The following PTPRS variants were observed in gnomAD, a reference collection of about 807,000 sequenced individuals.
PTPRS encodes receptor-type tyrosine-protein phosphatase S.
Under a neutral mutation model 215.3 loss-of-function variants are expected in PTPRS, and 63 were observed. The observed-to-expected ratio is 0.29, with a 90% CI of 0.24 to 0.36. PTPRS has a LOEUF of 0.36. Among genes scored for constraint, PTPRS ranks in the 10% least tolerant of loss-of-function variants. PTPRS has a pLI of 1.00. For synonymous variants in PTPRS, 1,404 were observed against 1,191.4 expected, an observed-to-expected ratio of 1.18 and a Z score of -3.68; for missense variants, 2,258 against 2,825.8, an observed-to-expected ratio of 0.80 and a Z score of 4.56.
At chr19:5,239,618 GAGAC>G (rs144805665) in intron 12 of PTPRS, among the ~76,000 whole-genome samples, 2,750 of 151,698 alleles carry the variant, frequency 0.018, 37 homozygotes, top group Non-Finnish European at 0.029. Context: ...ACAGGGGAGA[GAGAC>G]AGACAGAAAC....
intron 2 of PTPRS, among the ~76,000 whole-genome samples, chr19:5,282,208 C>T (rs1192522858): frequency 2.0e-5 from 3 of 152,086 alleles, no homozygotes; most frequent in Admixed American, 6.5e-5. Flanking sequence ...TTCTACCTCT[C>T]GGAAGCACCC....
At position 5,219,462 on chromosome 19, in the gene PTPRS, A is replaced by C. The variant is rs2041779595; in HGVS notation, c.3771T>G (p.Phe1257Leu). The stretch of plus-strand genomic sequence containing the variant: ...AGGGGTCTGAGAAGGGACTGGCTGC[A>C]AAGGTCTGCAGGGAAAGGAGGGGGG... Reference protein sequence around the residue: ...LAVLQKSEPTFAASPFSDPFQ... With the variant: ...LAVLQKSEPTLAASPFSDPFQ... Residue 1257 changes from phenylalanine (F) to leucine (L), a missense_variant, in exon 23 of 38, where the codon TTT becomes TTG. Around this residue, in one of 6 missense-constraint regions of PTPRS, gnomAD observed 927 missense variants for 1,125.9 expected, o/e 0.82. Coordinates refer to ENST00000262963, the MANE Select transcript of PTPRS (RefSeq NM_002850.4). The C allele has an allele frequency of 1.1e-5, 18 of 1,584,984 alleles. No homozygotes were observed. The highest frequency in any genetic ancestry group is 1.5e-5 in the Non-Finnish European group (18 of 1,165,720).
rs967834128 is a variant in PTPRS, at chr19:5,300,824, C to A, written c.-94-14590G>T. On this transcript the variant is annotated intron_variant, in intron 1 of 37. Coordinates refer to ENST00000262963, the MANE Select transcript of PTPRS (RefSeq NM_002850.4). ...AGAAAAAGCGGTAAAATATATATAA[C>A]AAAAAAATTTCCATAAAAAATATAG... Among the ~76,000 whole-genome samples, 287 of 138,354 alleles carry A rather than the reference C, an allele frequency of 2.1e-3. 1 individual carries two copies. The highest frequency in any genetic ancestry group is 6.5e-3 in the African/African-American group (246 of 37,708). 90.8% of individuals were successfully genotyped at this position (138,354 alleles called of 152,430 possible). A position where few individuals can be genotyped will look rare whatever the true frequency, so the allele number is the denominator to read the frequency against.
Position 5,244,259 on chromosome 19 carries a change from G to A in PTPRS, c.1212C>T (p.Ala404=), listed in dbSNP as rs761321191. 9 of 1,613,852 alleles carry A rather than the reference G, an allele frequency of 5.6e-6. No homozygotes were observed. The highest frequency in any genetic ancestry group is 1.7e-5 in the Admixed American group (1 of 60,002). The change falls in exon 11 of 38, where the codon GCC becomes GCT. Residue 404 remains alanine (A), a synonymous_variant. Transcript: ENST00000262963. The surrounding 1 kb of genome is among the most constrained non-coding windows in gnomAD (Gnocchi z 7.2). ...PNSEYEIWVS[A]VNSIGQGPPS... ...GGGGCCCCTGGCCGATGGAGTTGAC[G>A]GCCGACACCCAGATCTCGTACTCCG...
chr19:5,268,455 T>C (rs1277070041), intron 4 of PTPRS, among the ~76,000 whole-genome samples: 1 of 151,718 alleles, frequency 6.6e-6, no homozygotes, highest in Admixed American at 6.6e-5. Context: ...TGGGTGGCCG[T>C]GGACAGAGGT....
At chr19:5,335,938 A>T (rs1056396436) in intron 1 of PTPRS, among the ~76,000 whole-genome samples, 3 of 151,992 alleles carry the variant, frequency 2.0e-5, no homozygotes, top group East Asian at 3.9e-4. Context: ...GCTAGCCCAG[A>T]ATAGCACCAG....
intron 19 of PTPRS, 84 bp downstream of exon 19, chr19:5,222,039 C>T: frequency 1.7e-6 from 2 of 1,149,526 alleles, no homozygotes; most frequent in Non-Finnish European, 2.6e-6. Flanking sequence ...CACTTCACAC[C>T]AACTCCAAAC....
Position 5,244,220 on chromosome 19 carries a change from C to T in PTPRS, c.1251G>A (p.Val417=). ...GGGCCTGCTCGCCTGTGCGGGTGAC[C>T]ACGGACTCGCTGGGGGGCCCCTGGC... ...SIGQGPPSES[V]VTRTGEQAPA... Residue 417 remains valine, a synonymous_variant, in exon 11 of 38, where the codon GTG becomes GTA. Transcript: ENST00000262963. This position sits in a 1 kb window ranked among gnomAD's most constrained non-coding sequence, Gnocchi z 7.2. 6.2e-7 allele frequency: 1 copy of T among 1,609,830 alleles called. No individual in the cohort carries two copies. Among genetic ancestry groups the T allele is most frequent in the African/African-American group, 1.3e-5 (1 of 74,992 alleles).
chr19:5,309,146 A>C (rs1022869687), intron 1 of PTPRS, among the ~76,000 whole-genome samples: 13 of 152,022 alleles, frequency 8.6e-5, no homozygotes, highest in African/African-American at 2.6e-4. Flanking sequence ...GTGGAGAGAG[A>C]AGGGAGGAAG....
rs570772879 is a variant in PTPRS, at chr19:5,333,474, C to T, written c.-95+7190G>A. Among the ~76,000 whole-genome samples, 10 of 151,418 alleles carry T rather than the reference C, an allele frequency of 6.6e-5. No homozygotes were observed. The East Asian group carries it at 9.7e-4, about 15-fold the overall frequency. On this transcript the variant is annotated intron_variant, in intron 1 of 37. Transcript: ENST00000262963. ...AGTGAGCCATTATGGCATCACTGCA[C>T]TCCAGCCTGAGCAACAGTGTGAGTC...
At chr19:5,228,471 G>A (rs1038832976) in intron 16 of PTPRS, among the ~76,000 whole-genome samples, 5 of 151,494 alleles carry the variant, frequency 3.3e-5, no homozygotes, top group African/African-American at 7.3e-5. Context: ...TCAGCCTCCC[G>A]AGTAGCTGGA....
chr19:5,220,219 G>C (rs749503529), intron 21 of PTPRS, 41 bp downstream of exon 21: 1 of 1,609,642 alleles, frequency 6.2e-7, no homozygotes, highest in East Asian at 2.2e-5. Context: ...GTGAAAACTG[G>C]AATGCATCTG....
At chr19:5,289,619 T>C (rs975884410) in intron 1 of PTPRS, among the ~76,000 whole-genome samples, 2 of 152,150 alleles carry the variant, frequency 1.3e-5, no homozygotes, top group Non-Finnish European at 2.9e-5. Flanking sequence ...TCCAGCCGCA[T>C]GGGCCTCCTT....
chr19:5,335,098 C>T (rs940846442), intron 1 of PTPRS, among the ~76,000 whole-genome samples: 1 of 152,188 alleles, frequency 6.6e-6, no homozygotes, highest in Non-Finnish European at 1.5e-5. Context: ...CACGTGACAG[C>T]GCGACGATGG....
Position 5,214,551 on chromosome 19 carries a change from C to T in PTPRS, c.4494+10G>A, listed in dbSNP as rs1341484378. The T allele has an allele frequency of 6.2e-7, 1 of 1,611,922 alleles. No homozygotes were observed. Among genetic ancestry groups the T allele is most frequent in the South Asian group, 1.1e-5 (1 of 91,056 alleles). The stretch of plus-strand genomic sequence containing the variant: ...GCAGGGGCTTGAGGGCCGTGGGGTC[C>T]AAGGCTCACCCGTGACTTCTCCTCC... On this transcript the variant is annotated intron_variant, in intron 29 of 37. Transcript: ENST00000262963.
chr19:5,223,886 A>ATC (rs1239089857), intron 17 of PTPRS, among the ~76,000 whole-genome samples: 1 of 151,258 alleles, frequency 6.6e-6, no homozygotes, highest in Admixed American at 6.6e-5. Context: ...TTAAAAGTGG[A>ATC]TCTCAAGGCT....
intron 1 of PTPRS, among the ~76,000 whole-genome samples, chr19:5,301,820 G>C (rs565981557): frequency 1.3e-5 from 2 of 151,750 alleles, no homozygotes; most frequent in Admixed American, 1.3e-4. Context: ...TCACTCTGTC[G>C]CTCAGGCTGG....
intron 9 of PTPRS, among the ~76,000 whole-genome samples, chr19:5,248,831 T>G (rs1001164444): frequency 9.9e-5 from 15 of 152,202 alleles, no homozygotes; most frequent in African/African-American, 3.6e-4. Context: ...AGCCTCAGTT[T>G]CCTCATCTGT....
intron 28 of PTPRS, among the ~76,000 whole-genome samples, chr19:5,214,974 C>T (rs529141857): frequency 6.6e-5 from 10 of 152,370 alleles, no homozygotes; most frequent in East Asian, 3.9e-4. Flanking sequence ...CCCTGGCCTC[C>T]GCCCACTCCA....
Sources: gnomAD v4.1 joint callset for allele counts (sites outside exome capture counted in the v4.1 genomes callset) on GRCh38, gnomAD v4.1.1 for gene constraint, gnomAD v4.1.1 regional missense constraint, Gnocchi (gnomAD v3.1) non-coding constraint, MANE v1.5 for transcripts, NCBI Gene and HGNC (gene_info 2026-07-23, HGNC 2026-07-21) for gene names.